The following VPS13C variants were observed in gnomAD, a reference collection of about 807,000 sequenced individuals.
VPS13C encodes the protein vacuolar protein sorting 13 homolog C, also known as intermembrane lipid transfer protein VPS13C.
A neutral mutation model predicts 456.8 loss-of-function variants in VPS13C; 358 were observed. That is an observed-to-expected ratio of 0.78 (90% CI 0.72 to 0.86). The LOEUF (loss-of-function observed/expected upper bound fraction) is 0.86, where lower values mean the gene tolerates loss of function less well. VPS13C is among the 40% of genes least tolerant of loss of function. The probability of loss-of-function intolerance (pLI) is 0.00; values close to 1 mark genes in which losing one functional copy is unlikely to be tolerated. For synonymous variants in VPS13C, 1,578 were observed against 1,486.7 expected, an observed-to-expected ratio of 1.06 and a Z score of -1.41; for missense variants, 4,818 against 4,385.4, an observed-to-expected ratio of 1.10 and a Z score of -2.79.
At chr15:61,959,708 G>C in intron 35 of VPS13C, 113 bp from the exon 36 acceptor site, 1 of 1,030,492 alleles carries the variant, frequency 9.7e-7, no homozygotes, top group Non-Finnish European at 1.3e-6. Context: ...ATCTGAAACA[G>C]TGTGGCTTGA....
At chr15:62,004,247 G>C (rs1340893928) in intron 15 of VPS13C, among the ~76,000 whole-genome samples, 1 of 151,272 alleles carries the variant, frequency 6.6e-6, no homozygotes, top group Non-Finnish European at 1.5e-5. Context: ...GTTTAGTCTT[G>C]GGAGAGTGTA....
At chr15:61,869,343 A>G (rs1016740556) in intron 80 of VPS13C, among the ~76,000 whole-genome samples, 157 bp downstream of exon 80, 12 of 151,960 alleles carry the variant, frequency 7.9e-5, no homozygotes, top group South Asian at 2.1e-4. Context: ...GTCTTTTCTT[A>G]TTCCTTTCTG....
chr15:61,900,795 T>G (rs1161856365), intron 66 of VPS13C, among the ~76,000 whole-genome samples: 1 of 151,776 alleles, frequency 6.6e-6, no homozygotes, highest in Non-Finnish European at 1.5e-5. Context: ...AGAGCCCGCA[T>G]TGCCAAGTCA....
At chr15:61,863,330 T>C in intron 82 of VPS13C, 110 bp downstream of exon 82, 1 of 723,008 alleles carries the variant, frequency 1.4e-6, no homozygotes, top group Non-Finnish European at 2.3e-6. Context: ...CCATTCACTT[T>C]GGAGAATTTT....
At chr15:62,013,802 C>T in intron 10 of VPS13C, 131 bp downstream of exon 10, 2 of 599,126 alleles carry the variant, frequency 3.3e-6, no homozygotes. Flanking sequence ...TAGTAAGTAG[C>T]AGGGCCAAAA....
chr15:61,990,569 G>T (rs1214351649), intron 18 of VPS13C, among the ~76,000 whole-genome samples: 1 of 152,114 alleles, frequency 6.6e-6, no homozygotes, highest in Non-Finnish European at 1.5e-5. Flanking sequence ...CCAGCACTTT[G>T]GGAGGCCGAG....
intron 15 of VPS13C, 90 bp downstream of exon 15, chr15:62,007,217 TA>T: frequency 9.6e-7 from 1 of 1,040,452 alleles, no homozygotes; most frequent in Non-Finnish European, 1.3e-6. Flanking sequence ...CTGTTCTTCC[TA>T]AAATTATTTT....
chr15:62,033,675 T>A, intron 4 of VPS13C, 133 bp from the exon 5 acceptor site: 1 of 491,314 alleles, frequency 2.0e-6, no homozygotes, highest in Non-Finnish European at 3.4e-6. Context: ...ACATTTTTAG[T>A]TTTACGAAAC....
chr15:62,034,591 A>T (rs184014489), intron 4 of VPS13C, among the ~76,000 whole-genome samples: 5 of 151,976 alleles, frequency 3.3e-5, no homozygotes, highest in Admixed American at 6.6e-5. Context: ...TAAATTTTTC[A>T]ATCTTGAAAT....
intron 66 of VPS13C, among the ~76,000 whole-genome samples, chr15:61,899,516 A>C (rs1322819172): frequency 6.6e-6 from 1 of 152,036 alleles, no homozygotes; most frequent in Non-Finnish European, 1.5e-5. Flanking sequence ...ATCTAGAAGA[A>C]ATGGATAAAT....
rs755010480 is a variant in VPS13C, at chr15:61,947,287, C to A, written c.4782G>T (p.Lys1594Asn). Residue 1594 changes from lysine to asparagine, a missense_variant, in exon 43 of 85, where the codon AAG becomes AAT. By Grantham distance (94) the Lys-to-Asn change is moderately conservative. Around this residue, in one of 3 missense-constraint regions of VPS13C, gnomAD observed 4,552 missense variants for 4,130.6 expected, o/e 1.10. Transcript: ENST00000644861. ...VKAVSSNISQKDVFDLKITAE... is the reference protein window; with the variant it reads ...VKAVSSNISQNDVFDLKITAE... Reference sequence around the variant, plus strand: ...CTGTGATCTTTAAATCAAACACATCCTTTTGGGAAATGTTGCTGGATACTA... The same window carrying A: ...CTGTGATCTTTAAATCAAACACATCATTTTGGGAAATGTTGCTGGATACTA... 2 of 1,608,604 alleles carry A rather than the reference C, an allele frequency of 1.2e-6. No homozygotes were observed. Among genetic ancestry groups the A allele is most frequent in the Non-Finnish European group, 1.7e-6 (2 of 1,178,170 alleles).
intron 17 of VPS13C, 121 bp downstream of exon 17, chr15:61,991,552 A>G: frequency 9.1e-7 from 1 of 1,103,016 alleles, no homozygotes; most frequent in Non-Finnish European, 1.2e-6. Context: ...TTATATATTT[A>G]CTATACTGAG....
intron 68 of VPS13C, among the ~76,000 whole-genome samples, chr15:61,883,503 CAA>C (rs1896032114): frequency 6.6e-6 from 1 of 152,060 alleles, no homozygotes; most frequent in Non-Finnish European, 1.5e-5. Flanking sequence ...GCAACAATGA[CAA>C]AGAGTAACTA....
rs534785932 is a variant in VPS13C, at chr15:61,982,541, T to C, written c.1947A>G (p.Gln649=). The C allele has an allele frequency of 2.6e-5, 42 of 1,609,176 alleles. No homozygotes were observed. Among genetic ancestry groups the C allele is most frequent in the African/African-American group, 1.6e-4 (12 of 74,956 alleles). ...GCTCAAGATCCAATCCCTTATTTGA[T>C]TGAAAGAATTCAACCACTGCATTGA... The part of the protein sequence containing the change: ...KTVNAVVEFF[Q]SNKGLDLEQI... Residue 649 remains glutamine, a synonymous_variant, in exon 21 of 85, where the codon CAA becomes CAG. Transcript: ENST00000644861.
chr15:62,051,303 A>G (rs781142590), intron 1 of VPS13C, among the ~76,000 whole-genome samples: 1 of 152,248 alleles, frequency 6.6e-6, no homozygotes, highest in East Asian at 1.9e-4. Flanking sequence ...ACCAACTACA[A>G]TAAGGTCATA....
At chr15:61,933,466 A>G (rs1226981266) in intron 49 of VPS13C, among the ~76,000 whole-genome samples, 1 of 152,170 alleles carries the variant, frequency 6.6e-6, no homozygotes, top group East Asian at 1.9e-4. Flanking sequence ...TATAATACCC[A>G]TAATCTGTAT....
Position 62,041,370 on chromosome 15 carries a change from C to A in VPS13C, c.145-4G>T. 1 of 1,603,122 alleles carries A rather than the reference C, an allele frequency of 6.2e-7. No individual in the cohort carries two copies. Among genetic ancestry groups the A allele is most frequent in the Non-Finnish European group, 8.5e-7 (1 of 1,177,406 alleles). On this transcript the variant is annotated splice_region_variant and splice_polypyrimidine_tract_variant and intron_variant, in intron 2 of 84. Transcript: ENST00000644861. ...TAAAAGGAACATCCAATTCACTCTT[C>A]AGAAGAAAGAGAAAATGTAAAGGAC...
intron 9 of VPS13C, among the ~76,000 whole-genome samples, chr15:62,019,404 C>T (rs950397658): frequency 5.3e-5 from 8 of 152,048 alleles, no homozygotes; most frequent in Non-Finnish European, 8.8e-5. Context: ...TAGATCCTTC[C>T]TGCTTTCTCT....
intron 16 of VPS13C, among the ~76,000 whole-genome samples, chr15:61,994,098 C>T (rs1296029979): frequency 1.3e-5 from 2 of 152,088 alleles, no homozygotes; most frequent in Non-Finnish European, 2.9e-5. Flanking sequence ...AACTAAGTTG[C>T]CCATGGTAAA....
Sources: allele counts gnomAD v4.1 joint callset (sites outside exome capture counted in the v4.1 genomes callset), GRCh38; gene constraint gnomAD v4.1.1; regional missense constraint gnomAD v4.1.1; transcripts MANE v1.5; gene names NCBI Gene and HGNC (gene_info 2026-07-23, HGNC 2026-07-21).